EBF1: variants seen among roughly 807,000 people sequenced by gnomAD.
EBF1 encodes the protein transcription factor COE1.
A neutral mutation model predicts 68.4 loss-of-function variants in EBF1; 10 were observed. The ratio of observed to expected loss-of-function variants is 0.15; its 90% confidence interval spans 0.09 to 0.25. EBF1 has a LOEUF of 0.25. EBF1 is among the 10% of genes least tolerant of loss of function. The pLI is 1.00. For synonymous variants in EBF1, 298 were observed against 299.8 expected (o/e 0.99, Z 0.06); for missense variants, 509 against 794.4 (o/e 0.64, Z 4.32).
At chr5:158,903,891 G>A (rs1188048015) in intron 6 of EBF1, among the ~76,000 whole-genome samples, 1 of 152,116 alleles carries the variant, frequency 6.6e-6, no homozygotes, top group Non-Finnish European at 1.5e-5. Flanking sequence ...CCCACCCCGT[G>A]AGGTAAAGTG....
At chr5:158,990,477 G>A (rs1760100459) in intron 6 of EBF1, among the ~76,000 whole-genome samples, 1 of 152,254 alleles carries the variant, frequency 6.6e-6, no homozygotes, top group Non-Finnish European at 1.5e-5. Context: ...CTTGAACTAA[G>A]GTTGTGATAC....
intron 8 of EBF1, among the ~76,000 whole-genome samples, chr5:158,797,302 A>T (rs919006351): frequency 1.3e-5 from 2 of 152,200 alleles, no homozygotes; most frequent in Admixed American, 6.5e-5. Context: ...CTTTCAACAG[A>T]ATTGCTGGGC....
chr5:158,701,114 G>T (rs1756668434), intron 15 of EBF1, among the ~76,000 whole-genome samples: 1 of 152,166 alleles, frequency 6.6e-6, no homozygotes, highest in Non-Finnish European at 1.5e-5. Context: ...CTGGAGGTGG[G>T]TCCAGGCACC....
intron 7 of EBF1, 94 bp downstream of exon 7, chr5:158,839,935 G>GA (rs1397302116): frequency 1.3e-5 from 17 of 1,262,392 alleles, no homozygotes; most frequent in Middle Eastern, 1.9e-4. Context: ...TCACCTCTGG[G>GA]AAAAAAAGCT....
intron 6 of EBF1, among the ~76,000 whole-genome samples, chr5:158,997,200 A>G (rs1761587882): frequency 6.6e-6 from 1 of 152,146 alleles, no homozygotes. Context: ...GGGTCCCAAG[A>G]ACGCTGAGCA....
intron 10 of EBF1, among the ~76,000 whole-genome samples, chr5:158,758,691 G>T (rs928331865): frequency 1.3e-5 from 2 of 152,118 alleles, no homozygotes; most frequent in Non-Finnish European, 2.9e-5. Context: ...TTAAAAGACA[G>T]AAGCAAATTA....
At chr5:158,753,830 T>C (rs780465102) in intron 10 of EBF1, among the ~76,000 whole-genome samples, 2 of 152,136 alleles carry the variant, frequency 1.3e-5, no homozygotes, top group Non-Finnish European at 2.9e-5. Flanking sequence ...TCCAAAAATG[T>C]TTACTTTCAG....
intron 8 of EBF1, among the ~76,000 whole-genome samples, chr5:158,801,800 C>T (rs771367998): frequency 4.6e-5 from 7 of 152,086 alleles, no homozygotes; most frequent in Admixed American, 6.5e-5. Flanking sequence ...ATTTATATTT[C>T]CTTCGAACAG....
At chr5:158,782,376 T>C (rs61265910) in intron 9 of EBF1, among the ~76,000 whole-genome samples, 3,561 of 152,198 alleles carry the variant, frequency 0.023, 158 homozygotes, top group African/African-American at 0.082. Flanking sequence ...GTAGTTAACT[T>C]GGCCTGGTGT....
chr5:158,853,196 G>A (rs562753213), intron 6 of EBF1, among the ~76,000 whole-genome samples: 1 of 152,126 alleles, frequency 6.6e-6, no homozygotes, highest in South Asian at 2.1e-4. Flanking sequence ...GAACAACTTC[G>A]CCCTCACTCA....
chr5:158,730,853 G>A (rs772609656), intron 11 of EBF1, among the ~76,000 whole-genome samples: 1 of 152,186 alleles, frequency 6.6e-6, no homozygotes, highest in Non-Finnish European at 1.5e-5. Flanking sequence ...GCATTGTTGA[G>A]AGGATAAAAT....
chr5:159,098,796 G>A (rs1301521701), intron 1 of EBF1, among the ~76,000 whole-genome samples: 3 of 144,902 alleles, frequency 2.1e-5, no homozygotes, highest in Non-Finnish European at 4.5e-5. Context: ...AGAAAATAAA[G>A]GGGGGAGAAA....
chr5:158,871,718 G>A (rs543117160), intron 6 of EBF1, among the ~76,000 whole-genome samples: 1 of 152,324 alleles, frequency 6.6e-6, no homozygotes, highest in South Asian at 2.1e-4. Flanking sequence ...CACAGATGGG[G>A]AGATAGAAGC....
At chr5:158,825,682 C>T (rs1785939447) in intron 7 of EBF1, among the ~76,000 whole-genome samples, 1 of 151,736 alleles carries the variant, frequency 6.6e-6, no homozygotes, top group East Asian at 1.9e-4. Flanking sequence ...AGAGAAGAAC[C>T]ACCAGGGCCA....
At chr5:158,925,871 G>A (rs984203527) in intron 6 of EBF1, among the ~76,000 whole-genome samples, 1 of 152,122 alleles carries the variant, frequency 6.6e-6, no homozygotes, top group African/African-American at 2.4e-5. Flanking sequence ...TCATGCTCTT[G>A]GAAGAGAATC....
At chr5:158,749,475 C>A (rs1244261559) in intron 10 of EBF1, among the ~76,000 whole-genome samples, 4 of 152,098 alleles carry the variant, frequency 2.6e-5, no homozygotes, top group African/African-American at 9.7e-5. Flanking sequence ...TCCTAACTCA[C>A]TATATTCCTG....
At chr5:158,778,861 G>C (rs559677762) in intron 9 of EBF1, among the ~76,000 whole-genome samples, 4 of 152,186 alleles carry the variant, frequency 2.6e-5, no homozygotes, top group South Asian at 2.1e-4. Context: ...TGACTGTTGA[G>C]GTATGAAGAA....
chr5:158,774,297 C>T (rs141030038), intron 10 of EBF1, among the ~76,000 whole-genome samples: 2 of 152,184 alleles, frequency 1.3e-5, no homozygotes, highest in Non-Finnish European at 2.9e-5. Flanking sequence ...TTCTTCCCTC[C>T]CCAAAAGGTC....
chr5:159,027,682 G>A (rs765244249), intron 6 of EBF1, among the ~76,000 whole-genome samples: 33 of 152,248 alleles, frequency 2.2e-4, no homozygotes, highest in Admixed American at 5.9e-4. Flanking sequence ...CATAGTCACT[G>A]CCTGACTTCT....
Sources: allele counts gnomAD v4.1 joint callset (sites outside exome capture counted in the v4.1 genomes callset), GRCh38; gene constraint gnomAD v4.1.1; transcripts MANE v1.5; gene names NCBI Gene and HGNC (gene_info 2026-07-23, HGNC 2026-07-21).